The following MICAL2 variants were observed in gnomAD, a reference collection of about 807,000 sequenced individuals.
MICAL2 encodes microtubule associated monooxygenase, calponin and LIM domain containing 2.
A neutral mutation model predicts 127.3 loss-of-function variants in MICAL2; 77 were observed. The observed-to-expected ratio is 0.60, with a 90% CI of 0.50 to 0.73. The LOEUF (loss-of-function observed/expected upper bound fraction) is 0.73, where lower values mean the gene tolerates loss of function less well. MICAL2 is among the 30% of genes least tolerant of loss of function. The pLI is 0.00. For missense variants in MICAL2, 1,351 were observed against 1,434.4 expected, an observed-to-expected ratio of 0.94 and a Z score of 0.94; for synonymous variants, 570 against 551.1, an observed-to-expected ratio of 1.03 and a Z score of -0.48.
chr11:12,221,609 G>C (rs373636613), intron 9 of MICAL2, 35 bp from the exon 10 acceptor site: 1 of 1,464,472 alleles, frequency 6.8e-7, no homozygotes, highest in African/African-American at 1.4e-5. Flanking sequence ...GGAGTCATCA[G>C]AATCAACTGG....
At position 12,224,784 on chromosome 11, in the gene MICAL2, TG is replaced by T; in HGVS notation, c.1653del (p.Cys552ValfsTer17). ...LTTSWRSGLALCAIIHRFRPE... is the reference protein window; with the variant it reads ...LTTSWRSGLAXCAIIHRFRPE... ...ACATCCTGGCGCAGTGGGTTGGCCC[TG>T]TGTGCCATCATCCACCGCTTCCGGC... On this transcript the variant is annotated frameshift_variant, in exon 13 of 28. Coordinates refer to ENST00000683283, the MANE Select transcript of MICAL2 (RefSeq NM_001282663.2). LOFTEE classifies it high-confidence loss of function. The T allele has an allele frequency of 6.2e-7, 1 of 1,613,830 alleles. No homozygotes were observed. The highest frequency in any genetic ancestry group is 8.5e-7 in the Non-Finnish European group (1 of 1,179,718).
In MICAL2 at chr11:12,208,111, A is replaced by G; in HGVS notation, c.561A>G (p.Leu187=). 6.8e-6 allele frequency: 11 copies of G among 1,613,936 alleles called. No homozygotes were observed. Among genetic ancestry groups the G allele is most frequent in the African/African-American group, 1.3e-5 (1 of 75,046 alleles). ...IHVNVEFVKV[L]EPPEDQENQK... Reference sequence around the variant, plus strand: ...TGAATGTGGAGTTCGTGAAGGTTCTAGAGCCTCCTGAAGATCAAGAAAATC... The same window carrying G: ...TGAATGTGGAGTTCGTGAAGGTTCTGGAGCCTCCTGAAGATCAAGAAAATC... The change falls in exon 5 of 28, where the codon CTA becomes CTG. Residue 187 remains leucine, a synonymous_variant. Transcript: ENST00000683283.
chr11:12,284,378 T>G (rs1863803429), intron 2 of MICAL2, among the ~76,000 whole-genome samples: 1 of 152,108 alleles, frequency 6.6e-6, no homozygotes, highest in Admixed American at 6.5e-5. Flanking sequence ...TCCTTTAAAA[T>G]AAATAAACAC....
intron 4 of MICAL2, among the ~76,000 whole-genome samples, chr11:12,205,072 T>G (rs1259482282): frequency 6.6e-6 from 1 of 152,070 alleles, no homozygotes; most frequent in Non-Finnish European, 1.5e-5. Flanking sequence ...AATATGAGCT[T>G]TAAAAAGAGA....
At chr11:12,328,697 G>C (rs971212926) in intron 32 of MICAL2, among the ~76,000 whole-genome samples, 2 of 152,106 alleles carry the variant, frequency 1.3e-5, no homozygotes, top group African/African-American at 4.8e-5. Context: ...AGATATAAAA[G>C]GTGAAAAACT....
At chr11:12,238,633 T>A (rs1487795492) in intron 16 of MICAL2, among the ~76,000 whole-genome samples, 1 of 152,178 alleles carries the variant, frequency 6.6e-6, no homozygotes, top group East Asian at 1.9e-4. Flanking sequence ...GACAGGGTGA[T>A]GAAATGCAGT....
At position 12,330,898 on chromosome 11, in the gene MICAL2, A is replaced by AGTGTGTGTGT. The variant is rs757142831; in HGVS notation, c.5515+3633_5515+3634insTGTGTGTGTG. 4.7e-3 allele frequency among the ~76,000 whole-genome samples: 567 copies of AGTGTGTGTGT among 121,132 alleles called. 2 individuals are homozygous for AGTGTGTGTGT. Among genetic ancestry groups the AGTGTGTGTGT allele is most frequent in the Non-Finnish European group, 6.9e-3 (411 of 59,866 alleles). The allele number at this position is 121,132 out of a possible 152,430, so 79.5% of individuals were successfully genotyped here. On this transcript the variant is annotated intron_variant, in intron 32 of 34. Transcript: ENST00000646065. Reference sequence around the variant, plus strand: ...GAGAGAGAGACAGAGAGAGAGAGAGAGAGTGTGTGTGTGTGTGTGTGTGTG... The same window carrying AGTGTGTGTGT: ...GAGAGAGAGACAGAGAGAGAGAGAGAGTGTGTGTGTGAGTGTGTGTGTGTGTGTGTGTGTG...
chr11:12,222,326 G>T (rs1288834161), intron 10 of MICAL2, among the ~76,000 whole-genome samples: 1 of 152,164 alleles, frequency 6.6e-6, no homozygotes, highest in Non-Finnish European at 1.5e-5. Flanking sequence ...GCTGAACATG[G>T]TTATGGCAAA....
chr11:12,249,307 A>G, intron 22 of MICAL2, 61 bp downstream of exon 22: 1 of 957,092 alleles, frequency 1.0e-6, no homozygotes, highest in South Asian at 1.3e-5. Context: ...TATCAGACCC[A>G]CCTGCAGGGC....
At chr11:12,228,362 C>T (rs1484484592) in intron 15 of MICAL2, among the ~76,000 whole-genome samples, 1 of 152,064 alleles carries the variant, frequency 6.6e-6, no homozygotes, top group Non-Finnish European at 1.5e-5. Context: ...CCTAGAGAGG[C>T]TAGGTGCCTT....
intron 1 of MICAL2, among the ~76,000 whole-genome samples, chr11:12,125,058 C>T: frequency 6.6e-6 from 1 of 152,216 alleles, no homozygotes; most frequent in East Asian, 1.9e-4. Context: ...TAGCCTTTAG[C>T]CACTGGGGCT....
rs1590410648 is a variant in MICAL2, at chr11:12,218,803, G to C, written c.949-1398G>C. On this transcript the variant is annotated intron_variant, in intron 8 of 27. Transcript: ENST00000683283. Reference sequence around the variant, plus strand: ...AATCATGGCTACTCAGAAAATTGAGGCAGTGGTCACTCTGGCTGTAAATGC... The same window carrying C: ...AATCATGGCTACTCAGAAAATTGAGCCAGTGGTCACTCTGGCTGTAAATGC... Among the ~76,000 whole-genome samples the C allele has an allele frequency of 2.6e-5, 4 of 152,314 alleles. No homozygotes were observed. In the East Asian group the frequency reaches 7.7e-4, roughly 29 times the overall value.
chr11:12,135,097 C>A (rs1851734683), intron 1 of MICAL2, among the ~76,000 whole-genome samples: 1 of 152,164 alleles, frequency 6.6e-6, no homozygotes, highest in Admixed American at 6.5e-5. Context: ...CCCCATGTAC[C>A]ACTGCTAAGG....
intron 14 of MICAL2, among the ~76,000 whole-genome samples, chr11:12,226,649 T>TG (rs138542709): frequency 0.035 from 4,885 of 139,116 alleles, 297 homozygotes; most frequent in African/African-American, 0.11. Flanking sequence ...TGTTTGTTTT[T>TG]GGTTTTTTTT....
At chr11:12,187,287 A>C (rs1214997445) in intron 3 of MICAL2, among the ~76,000 whole-genome samples, 22 of 152,254 alleles carry the variant, frequency 1.4e-4, no homozygotes. Context: ...TTTCATAGTC[A>C]AGGGAGAACA....
At chr11:12,187,585 C>T (rs1858468790) in intron 3 of MICAL2, among the ~76,000 whole-genome samples, 1 of 152,220 alleles carries the variant, frequency 6.6e-6, no homozygotes. Context: ...CTGGAACTCA[C>T]TTGAGATGGA....
Position 12,281,647 on chromosome 11 carries a change from AC to A in MICAL2, c.254+549del, listed in dbSNP as rs1159886606. 7.2e-5 allele frequency among the ~76,000 whole-genome samples: 11 copies of A among 152,324 alleles called. No individual in the cohort carries two copies. The East Asian group carries it at 1.2e-3, about 16-fold the overall frequency. ...TACTGCATACCTGTAATGGGCCAGG[AC>A]TTTTCCCATACGTGTGGTCATCCCA... On this transcript the variant is annotated intron_variant, in intron 2 of 2. Coordinates refer to the MICAL2 transcript ENST00000529028.
intron 1 of MICAL2, among the ~76,000 whole-genome samples, chr11:12,123,708 G>C (rs547864656): frequency 6.6e-6 from 1 of 152,082 alleles, no homozygotes; most frequent in African/African-American, 2.4e-5. Flanking sequence ...TGGGAAAAAT[G>C]CATTTCTGAT....
At chr11:12,215,815 T>C (rs1159224556) in intron 7 of MICAL2, among the ~76,000 whole-genome samples, 1 of 152,206 alleles carries the variant, frequency 6.6e-6, no homozygotes. Flanking sequence ...CACAGCTCTA[T>C]GCTACTATGG....
Sources: gnomAD v4.1 joint callset for allele counts (sites outside exome capture counted in the v4.1 genomes callset) on GRCh38, gnomAD v4.1.1 for gene constraint, MANE v1.5 for transcripts, NCBI Gene and HGNC (gene_info 2026-07-23, HGNC 2026-07-21) for gene names.